The following NCOA3 variants were observed in gnomAD, a reference collection of about 807,000 sequenced individuals.
NCOA3 encodes the protein CBP-interacting protein.
A neutral mutation model predicts 158.8 loss-of-function variants in NCOA3; 51 were observed. That is an observed-to-expected ratio of 0.32 (90% CI 0.26 to 0.41). The LOEUF (loss-of-function observed/expected upper bound fraction) is 0.41. Among genes scored for constraint, NCOA3 ranks in the 10% least tolerant of loss-of-function variants. The pLI is 1.00. For synonymous variants in NCOA3, 537 were observed against 592.4 expected (o/e 0.91, Z 1.36); for missense variants, 1,510 against 1,746.6 (o/e 0.86, Z 2.41).
At chr20:47,506,393 G>A (rs1314151683) in intron 1 of NCOA3, among the ~76,000 whole-genome samples, 1 of 152,168 alleles carries the variant, frequency 6.6e-6, no homozygotes, top group African/African-American at 2.4e-5. Context: ...ACCTTCTGGT[G>A]GAGAGTTTTT....
At chr20:47,545,489 T>C (rs1371509798) in intron 1 of NCOA3, among the ~76,000 whole-genome samples, 1 of 152,060 alleles carries the variant, frequency 6.6e-6, no homozygotes, top group Non-Finnish European at 1.5e-5. Flanking sequence ...TGTAATCTTA[T>C]TGGTGTTGGT....
rs1166777115 is a variant in NCOA3, at chr20:47,505,003, G to GTTTTTTTTTTTTTTTTTTTTT, written c.-99+2990_-99+3010dup. 1.1e-4 allele frequency among the ~76,000 whole-genome samples: 3 copies of GTTTTTTTTTTTTTTTTTTTTT among 28,540 alleles called. 1 individual carries two copies. The highest frequency in any genetic ancestry group is 1.4e-3 in the Admixed American group (2 of 1,404). 18.7% of individuals were successfully genotyped at this position (28,540 alleles called of 152,430 possible). A position where few individuals can be genotyped will look rare whatever the true frequency, so the allele number is the denominator to read the frequency against. On this transcript the variant is annotated intron_variant, in intron 1 of 22. Coordinates refer to ENST00000371998, the MANE Select transcript of NCOA3 (RefSeq NM_181659.3). Reference sequence around the variant, plus strand: ...TAAAATAAATGGCTTTGGGTTTTTGGTTTTTTTTTTTTTTTTTTTTTTTTT... The same window carrying GTTTTTTTTTTTTTTTTTTTTT: ...TAAAATAAATGGCTTTGGGTTTTTGGTTTTTTTTTTTTTTTTTTTTTTTTTTTTTTTTTTTTTTTTTTTTTT...
chr20:47,630,802 T>G (rs2086402366), intron 8 of NCOA3: 1 of 153,370 alleles, frequency 6.5e-6, no homozygotes, highest in African/African-American at 2.4e-5. Flanking sequence ...TTGTCTGGAG[T>G]CAGTTTATTG....
At chr20:47,631,764 T>C (rs758912035) in intron 8 of NCOA3, among the ~76,000 whole-genome samples, 4 of 152,208 alleles carry the variant, frequency 2.6e-5, no homozygotes, top group Non-Finnish European at 5.9e-5. Flanking sequence ...ACTTTCCTCA[T>C]AGGCGTTATT....
Position 47,635,284 on chromosome 20 carries a change from T to C in NCOA3, c.1113-38T>C, listed in dbSNP as rs115757033. 476 of 1,528,426 alleles carry C rather than the reference T, an allele frequency of 3.1e-4. 5 individuals are homozygous for C. The African/African-American group carries it at 5.4e-3, about 17-fold the overall frequency. The allele number at this position is 1,528,426 out of a possible 1,614,324, so 94.7% of individuals were successfully genotyped here. A position where few individuals can be genotyped will look rare whatever the true frequency, so the allele number is the denominator to read the frequency against. Reference sequence around the variant, plus strand: ...CTGATTAAAAGCTTTCATGCATGCTTAGAATTTTTTAGTAAAAGTTTGATG... The same window carrying C: ...CTGATTAAAAGCTTTCATGCATGCTCAGAATTTTTTAGTAAAAGTTTGATG... On this transcript the variant is annotated intron_variant, in intron 10 of 22. Transcript: ENST00000371998.
intron 1 of NCOA3, among the ~76,000 whole-genome samples, chr20:47,572,448 A>C (rs977275856): frequency 1.3e-5 from 2 of 151,910 alleles, no homozygotes; most frequent in African/African-American, 4.8e-5. Context: ...CGCATTCACA[A>C]CTTGGCTGTT....
At chr20:47,510,444 A>AAAAAAAAAG (rs1181090306) in intron 1 of NCOA3, among the ~76,000 whole-genome samples, 5 of 150,728 alleles carry the variant, frequency 3.3e-5, no homozygotes, top group African/African-American at 1.2e-4. Flanking sequence ...AAAAAAAAAA[A>AAAAAAAAAG]AAAGTACACG....
In NCOA3 at chr20:47,649,116, A is replaced by T. The variant is rs778499069; in HGVS notation, c.3651+7A>T. 3 of 1,591,794 alleles carry T rather than the reference A, an allele frequency of 1.9e-6. No individual in the cohort carries two copies. The African/African-American group carries it at 4.0e-5, about 21-fold the overall frequency. On this transcript the variant is annotated splice_region_variant and intron_variant, in intron 19 of 22. Transcript: ENST00000371998. ...GCCCCAGGTGAGCTCCCAGGTGAGGATGATAAGCCTCTCCACATGCATTGC... is the reference window on the plus strand; with the variant it reads ...GCCCCAGGTGAGCTCCCAGGTGAGGTTGATAAGCCTCTCCACATGCATTGC...
chr20:47,635,909 C>T lies in NCOA3; in HGVS notation c.1523C>T (p.Ala508Val). ...AATTCAGGTGTGCACTCTCCCATGG[C>T]ATCTTCTGGCAATACTGGGAACCAC... ...SPVAGVHSPM[A>V]SSGNTGNHSF... Residue 508 changes from alanine (A) to valine (V), a missense_variant, in exon 12 of 23, where the codon GCA becomes GTA. Coordinates refer to ENST00000371998, the MANE Select transcript of NCOA3 (RefSeq NM_181659.3). 1.2e-6 allele frequency: 2 copies of T among 1,613,072 alleles called. No individual in the cohort carries two copies. Among genetic ancestry groups the T allele is most frequent in the Non-Finnish European group, 1.7e-6 (2 of 1,179,518 alleles).
intron 1 of NCOA3, among the ~76,000 whole-genome samples, chr20:47,548,052 T>G (rs6066377): frequency 0.068 from 10,305 of 151,926 alleles, 448 homozygotes; most frequent in Non-Finnish European, 0.097. Flanking sequence ...TATTTTAGCT[T>G]CCCGTCTCTT....
chr20:47,590,379 G>A (rs780732267), intron 2 of NCOA3, among the ~76,000 whole-genome samples: 2 of 152,096 alleles, frequency 1.3e-5, no homozygotes, highest in Non-Finnish European at 1.5e-5. Context: ...GGAGTGCAGT[G>A]GTATGATTGT....
intron 1 of NCOA3, among the ~76,000 whole-genome samples, chr20:47,579,002 C>G (rs1428192475): frequency 6.6e-6 from 1 of 152,068 alleles, no homozygotes; most frequent in Non-Finnish European, 1.5e-5. Context: ...TTGGATTTTC[C>G]TGTGTATCAA....
chr20:47,621,654 A>ATTTTTTTTTTTTTTTTT lies in NCOA3; in HGVS notation c.-19-574_-19-558dup, dbSNP rs749582388. ...AGCATACTATTTTTCCATCAGTCAA[A>ATTTTTTTTTTTTTTTTT]TTTTTTTTTTTTTTTTTGAGACGGA... On this transcript the variant is annotated intron_variant, in intron 2 of 22. Transcript: ENST00000371998. Among the ~76,000 whole-genome samples, 232 of 119,744 alleles carry ATTTTTTTTTTTTTTTTT rather than the reference A, an allele frequency of 1.9e-3. 16 individuals are homozygous for ATTTTTTTTTTTTTTTTT. The highest frequency in any genetic ancestry group is 7.0e-3 in the African/African-American group (205 of 29,404). 78.6% of individuals were successfully genotyped at this position (119,744 alleles called of 152,430 possible).
chr20:47,623,846 T>C (rs1241207971), intron 3 of NCOA3, 65 bp from the exon 4 acceptor site: 2 of 1,464,188 alleles, frequency 1.4e-6, no homozygotes, highest in South Asian at 1.3e-5. Flanking sequence ...CTGATTCTGC[T>C]AACAGCTCTT....
chr20:47,652,304 C>A, intron 20 of NCOA3, 102 bp from the exon 21 acceptor site: 1 of 945,996 alleles, frequency 1.1e-6, no homozygotes, highest in Non-Finnish European at 1.6e-6. Flanking sequence ...CTTCCCTCCA[C>A]CCCCACCTCC....
chr20:47,588,674 G>A (rs531843036), intron 2 of NCOA3, among the ~76,000 whole-genome samples: 126 of 151,930 alleles, frequency 8.3e-4, no homozygotes, highest in African/African-American at 2.9e-3. Context: ...CAACTTAAAT[G>A]TTTTCTGTCT....
intron 1 of NCOA3, among the ~76,000 whole-genome samples, chr20:47,545,469 G>A (rs1333866909): frequency 2.0e-5 from 3 of 152,002 alleles, no homozygotes; most frequent in Non-Finnish European, 4.4e-5. Context: ...GAGCCACTGC[G>A]CCTGGCCTTT....
intron 2 of NCOA3, among the ~76,000 whole-genome samples, chr20:47,600,270 G>C (rs2085838194): frequency 6.6e-6 from 1 of 151,676 alleles, no homozygotes; most frequent in Non-Finnish European, 1.5e-5. Flanking sequence ...CACCTCCCGG[G>C]TTCACGCCAT....
chr20:47,627,033 G>A lies in NCOA3; in HGVS notation c.389G>A (p.Arg130Gln), dbSNP rs769864577. ...GATGGTTTCCTATTTGTGGTGAATC[G>A]AGACGGAAACATTGTATTTGTATCA... is the stretch of plus-strand genomic sequence containing the variant. ...ALDGFLFVVN[R>Q]DGNIVFVSEN... Residue 130 changes from arginine (R) to glutamine (Q), a missense_variant, in exon 6 of 23, where the codon CGA (arginine) becomes CAA (glutamine). Around this residue, in one of 4 missense-constraint regions of NCOA3, gnomAD observed 309 missense variants for 427.1 expected, o/e 0.72. Transcript: ENST00000371998. 1.9e-6 allele frequency: 3 copies of A among 1,612,800 alleles called. No homozygotes were observed. Among genetic ancestry groups the A allele is most frequent in the East Asian group, 4.5e-5 (2 of 44,844 alleles).
Sources: gnomAD v4.1 joint callset for allele counts (sites outside exome capture counted in the v4.1 genomes callset) on GRCh38, gnomAD v4.1.1 for gene constraint, gnomAD v4.1.1 regional missense constraint, MANE v1.5 for transcripts, NCBI Gene and HGNC (gene_info 2026-07-23, HGNC 2026-07-21) for gene names.